Variants in EYA3 observed in about 807,000 individuals in gnomAD.
The protein encoded by EYA3 is protein phosphatase EYA3.
Under a neutral mutation model 80.0 loss-of-function variants are expected in EYA3, and 39 were observed. The observed-to-expected ratio is 0.49, with a 90% CI of 0.38 to 0.64. The LOEUF (loss-of-function observed/expected upper bound fraction) is 0.64. Among genes scored for constraint, EYA3 ranks in the 30% least tolerant of loss-of-function variants. EYA3 has a pLI of 0.00. For synonymous variants in EYA3, 206 were observed against 232.8 expected, an observed-to-expected ratio of 0.88 and a Z score of 1.05; for missense variants, 523 against 676.1, an observed-to-expected ratio of 0.77 and a Z score of 2.51.
At chr1:28,043,374 T>C (rs1643888267) in intron 3 of EYA3, among the ~76,000 whole-genome samples, 1 of 151,806 alleles carries the variant, frequency 6.6e-6, no homozygotes, top group South Asian at 2.1e-4. Flanking sequence ...TCTATGCTTT[T>C]AGCAATTCTG....
chr1:28,012,136 C>G (rs1003177672), intron 9 of EYA3, among the ~76,000 whole-genome samples: 7 of 152,052 alleles, frequency 4.6e-5, no homozygotes, highest in Non-Finnish European at 8.8e-5. Context: ...GGGGAGGGAG[C>G]TAGATGATGT....
intron 4 of EYA3, among the ~76,000 whole-genome samples, chr1:28,039,558 C>T (rs35825369): frequency 0.18 from 27,236 of 152,138 alleles, 3,036 homozygotes; most frequent in East Asian, 0.25. Context: ...ACCCCCATGA[C>T]TTCATCTGGA....
intron 1 of EYA3, among the ~76,000 whole-genome samples, chr1:28,059,451 C>T (rs946137235): frequency 6.6e-6 from 1 of 152,158 alleles, no homozygotes; most frequent in Non-Finnish European, 1.5e-5. Context: ...AGCTATCTTC[C>T]CTGCACTTGT....
At chr1:28,019,874 A>T (rs1366051238) in intron 7 of EYA3, among the ~76,000 whole-genome samples, 4 of 151,404 alleles carry the variant, frequency 2.6e-5, no homozygotes, top group African/African-American at 9.7e-5. Flanking sequence ...CTAATGCTGC[A>T]TTTTTTTTAG....
intron 1 of EYA3, among the ~76,000 whole-genome samples, chr1:28,063,917 G>T (rs111297680): frequency 1.3e-5 from 2 of 152,100 alleles, no homozygotes; most frequent in South Asian, 4.1e-4. Flanking sequence ...CCAACTTTGG[G>T]GGGGAAGGTA....
intron 17 of EYA3, among the ~76,000 whole-genome samples, chr1:27,975,245 G>C (rs940246067): frequency 2.6e-5 from 4 of 152,078 alleles, no homozygotes; most frequent in Admixed American, 6.5e-5. Flanking sequence ...GTAGTGGTAT[G>C]AACATGGCTC....
Position 27,998,388 on chromosome 1 carries a change from T to C in EYA3, c.1084-1010A>G, listed in dbSNP as rs1640599832. On this transcript the variant is annotated intron_variant, in intron 12 of 17. Coordinates refer to ENST00000373871, the MANE Select transcript of EYA3 (RefSeq NM_001990.4). Reference sequence around the variant, plus strand: ...TTACAAATACAATTGGCAATAATTATTGGCATGTAGTAGGTTTTCAATAAA... The same window carrying C: ...TTACAAATACAATTGGCAATAATTACTGGCATGTAGTAGGTTTTCAATAAA... 9.4e-6 allele frequency: 8 copies of C among 850,342 alleles called. No individual in the cohort carries two copies. The South Asian group carries it at 3.8e-4, about 40-fold the overall frequency. The allele number at this position is 850,342 out of a possible 1,614,324, so 52.7% of individuals were successfully genotyped here.
intron 1 of EYA3, among the ~76,000 whole-genome samples, chr1:28,071,804 A>G (rs2148930983): frequency 6.6e-6 from 1 of 152,356 alleles, no homozygotes; most frequent in South Asian, 2.1e-4. Flanking sequence ...TGAATATGCC[A>G]TTTAACTACC....
chr1:28,036,729 G>C (rs1223054017), intron 5 of EYA3, among the ~76,000 whole-genome samples: 1 of 152,168 alleles, frequency 6.6e-6, no homozygotes, highest in Non-Finnish European at 1.5e-5. Flanking sequence ...ATATTGCACT[G>C]AATTTTTAGA....
Position 27,988,588 on chromosome 1 carries a change from T to C in EYA3, c.1487A>G (p.Tyr496Cys). The C allele has an allele frequency of 1.2e-6, 2 of 1,613,446 alleles. No individual in the cohort carries two copies. The highest frequency in any genetic ancestry group is 1.7e-6 in the Non-Finnish European group (2 of 1,179,398). Reference sequence around the variant, plus strand: ...AATAGGAAATATTTCTCCTAGTCCATATAGGAGAACCTTGGCCAGGGCTGG... The same window carrying C: ...AATAGGAAATATTTCTCCTAGTCCACATAGGAGAACCTTGGCCAGGGCTGG... Reference protein sequence around the residue: ...LVPALAKVLLYGLGEIFPIEN... With the variant: ...LVPALAKVLLCGLGEIFPIEN... The change falls in exon 16 of 18, where the codon TAT becomes TGT. Residue 496 changes from tyrosine (Y) to cysteine (C), a missense_variant. By Grantham distance (194) the Tyr-to-Cys change is radical. Coordinates refer to ENST00000373871, the MANE Select transcript of EYA3 (RefSeq NM_001990.4).
intron 3 of EYA3, among the ~76,000 whole-genome samples, chr1:28,042,926 C>T (rs1440344959): frequency 6.6e-6 from 1 of 152,060 alleles, no homozygotes; most frequent in African/African-American, 2.4e-5. Flanking sequence ...CTCACTGCAA[C>T]CTCCGCCTCC....
chr1:28,051,262 T>A (rs1288266485), intron 2 of EYA3, among the ~76,000 whole-genome samples: 2 of 151,792 alleles, frequency 1.3e-5, no homozygotes, highest in Non-Finnish European at 2.9e-5. Context: ...CTAGAACTGA[T>A]AAACAAGTTC....
chr1:27,998,861 TG>T (rs777436267), intron 12 of EYA3, among the ~76,000 whole-genome samples: 25 of 152,178 alleles, frequency 1.6e-4, no homozygotes, highest in Non-Finnish European at 2.6e-4. Context: ...CTTCCCCTTC[TG>T]GGTTCAAGCA....
At chr1:27,999,701 C>G (rs768089381) in intron 12 of EYA3, among the ~76,000 whole-genome samples, 1 of 152,118 alleles carries the variant, frequency 6.6e-6, no homozygotes, top group Non-Finnish European at 1.5e-5. Flanking sequence ...GGCCTTTCCC[C>G]TAGTGCTAGA....
chr1:28,044,302 G>C (rs1557609437), intron 3 of EYA3, among the ~76,000 whole-genome samples: 1 of 152,142 alleles, frequency 6.6e-6, no homozygotes, highest in Non-Finnish European at 1.5e-5. Flanking sequence ...TATGACCTTG[G>C]ACAAGTCACT....
In EYA3 at chr1:27,997,078, G is replaced by A. The variant is rs183160744; in HGVS notation, c.1142+242C>T. On this transcript the variant is annotated intron_variant, in intron 13 of 17. Coordinates refer to ENST00000373871, the MANE Select transcript of EYA3 (RefSeq NM_001990.4). The stretch of plus-strand genomic sequence containing the variant: ...GCTACTCCACTGAGAAACCTCTCCA[G>A]TGTTGGCACTACCCACTCCCTATCC... 3.0e-3 allele frequency among the ~76,000 whole-genome samples: 462 copies of A among 152,274 alleles called. 2 individuals carry two copies. The highest frequency in any genetic ancestry group is 0.01 in the African/African-American group (426 of 41,548).
At chr1:28,084,503 C>G (rs1571988082) in intron 1 of EYA3, among the ~76,000 whole-genome samples, 1 of 128,714 alleles carries the variant, frequency 7.8e-6, no homozygotes, top group African/African-American at 2.9e-5. Flanking sequence ...AACAATTCAA[C>G]CTTTTGGTAT....
rs540793617 is a variant in EYA3, at chr1:28,006,454, C to T, written c.910-2035G>A. ...GGGCGCGGTGGCTCACGCCTGCAAT[C>T]CCAGCACTTTGAGAGACTGAAGCAG... On this transcript the variant is annotated intron_variant, in intron 10 of 17. Coordinates refer to ENST00000373871, the MANE Select transcript of EYA3 (RefSeq NM_001990.4). 3.9e-5 allele frequency among the ~76,000 whole-genome samples: 6 copies of T among 152,270 alleles called. No individual in the cohort carries two copies. In the East Asian group the frequency reaches 9.7e-4, roughly 25 times the overall value.
Position 28,013,031 on chromosome 1 carries a change from A to G in EYA3, c.769+80T>C. ...GGTAACAATGACTTAAGACAGAACAAAATCATCCTTACCATTGCCTAAAAA... is the reference window on the plus strand; with the variant it reads ...GGTAACAATGACTTAAGACAGAACAGAATCATCCTTACCATTGCCTAAAAA... On this transcript the variant is annotated intron_variant, in intron 9 of 17. Transcript: ENST00000373871. The surrounding 1 kb of genome is among the most constrained non-coding windows in gnomAD (Gnocchi z 4.0). 1 of 1,454,754 alleles carries G rather than the reference A, an allele frequency of 6.9e-7. No individual in the cohort carries two copies. The highest frequency in any genetic ancestry group is 1.4e-5 in the African/African-American group (1 of 71,086). The allele number at this position is 1,454,754 out of a possible 1,614,324, so 90.1% of individuals were successfully genotyped here.
Sources: gnomAD v4.1 joint callset for allele counts (sites outside exome capture counted in the v4.1 genomes callset) on GRCh38, gnomAD v4.1.1 for gene constraint, Gnocchi (gnomAD v3.1) non-coding constraint, MANE v1.5 for transcripts, NCBI Gene and HGNC (gene_info 2026-07-23, HGNC 2026-07-21) for gene names.